The following ATP2B2 variants were observed in gnomAD, a reference collection of about 807,000 sequenced individuals.
ATP2B2 encodes the protein plasma membrane calcium-transporting ATPase 2.
A neutral mutation model predicts 120.0 loss-of-function variants in ATP2B2; 15 were observed. The observed-to-expected ratio is 0.12, with a 90% CI of 0.08 to 0.19. The LOEUF (loss-of-function observed/expected upper bound fraction) is 0.19. ATP2B2 is among the 10% of genes least tolerant of loss of function. ATP2B2 has a pLI of 1.00. For synonymous variants in ATP2B2, 694 were observed against 700.3 expected, an observed-to-expected ratio of 0.99 and a Z score of 0.14; for missense variants, 1,045 against 1,719.8, an observed-to-expected ratio of 0.61 and a Z score of 6.94.
At position 10,578,637 on chromosome 3, in the gene ATP2B2, C is replaced by T. The variant is rs527759489; in HGVS notation, c.-415+41280G>A. Among the ~76,000 whole-genome samples the T allele has an allele frequency of 4.6e-5, 7 of 152,110 alleles. No homozygotes were observed. In the South Asian group the frequency reaches 1.5e-3, roughly 32 times the overall value. On this transcript the variant is annotated intron_variant, in intron 2 of 21. Coordinates refer to the ATP2B2 transcript ENST00000646379. ...TTCATAGAGACTTAATTCACTATAG[C>T]TTAAGACTGGAAACAACCCAAATGC...
chr3:10,559,633 G>C (rs1219860503), intron 2 of ATP2B2, among the ~76,000 whole-genome samples: 4 of 152,170 alleles, frequency 2.6e-5, no homozygotes, highest in African/African-American at 9.7e-5. Context: ...CCCAGCCCAG[G>C]GTGCTGGAGT....
At chr3:10,374,195 C>T (rs989104889) in intron 11 of ATP2B2, among the ~76,000 whole-genome samples, 2 of 152,208 alleles carry the variant, frequency 1.3e-5, no homozygotes, top group Admixed American at 6.5e-5. Flanking sequence ...AGGACATCCC[C>T]GGGCTCAGTG....
chr3:10,491,777 C>T (rs975012043), intron 1 of ATP2B2, among the ~76,000 whole-genome samples: 1 of 151,858 alleles, frequency 6.6e-6, no homozygotes, highest in Middle Eastern at 3.4e-3. Context: ...TATGAAAGAA[C>T]AAACAAGAGA....
At chr3:10,586,679 A>G (rs559491238) in intron 2 of ATP2B2, among the ~76,000 whole-genome samples, 1 of 152,222 alleles carries the variant, frequency 6.6e-6, no homozygotes, top group Non-Finnish European at 1.5e-5. Flanking sequence ...AAGGAGGCAC[A>G]GCTTAGAAAC....
At position 10,630,278 on chromosome 3, in the gene ATP2B2, T is replaced by C. The variant is rs145920314; in HGVS notation, c.-459-10317A>G. Among the ~76,000 whole-genome samples, 348 of 152,348 alleles carry C rather than the reference T, an allele frequency of 2.3e-3. No homozygotes were observed. The Middle Eastern group carries it at 0.031, about 13-fold the overall frequency. On this transcript the variant is annotated intron_variant, in intron 1 of 21. Coordinates refer to the ATP2B2 transcript ENST00000646379. ...TTCATCACTTAAGTATTAAGCCCAG[T>C]ACCCATTAGTTACTTTTCCTGATGC...
intron 2 of ATP2B2, among the ~76,000 whole-genome samples, chr3:10,440,117 A>G (rs2063613481): frequency 6.7e-6 from 1 of 149,688 alleles, no homozygotes; most frequent in African/African-American, 2.5e-5. Flanking sequence ...AAAAAAAAAA[A>G]AAAAAAAAAA....
rs1164842783 is a variant in ATP2B2, at chr3:10,606,935, AGAGG to A, written c.-415+12978_-415+12981del. Among the ~76,000 whole-genome samples, 534 of 75,328 alleles carry A rather than the reference AGAGG, an allele frequency of 7.1e-3. 1 individual carries two copies. Among genetic ancestry groups the A allele is most frequent in the African/African-American group, 0.031 (380 of 12,282 alleles). The allele number at this position is 75,328 out of a possible 152,430, so 49.4% of individuals were successfully genotyped here. A position where few individuals can be genotyped will look rare whatever the true frequency, so the allele number is the denominator to read the frequency against. On this transcript the variant is annotated intron_variant, in intron 2 of 21. Coordinates refer to the ATP2B2 transcript ENST00000646379. ...CACAGAGAGAGAGAGAGAGAGAGAG[AGAGG>A]GAGAGGGAGAGGGGGAGGGGGGGAG...
intron 8 of ATP2B2, among the ~76,000 whole-genome samples, chr3:10,381,037 C>T (rs1333057985): frequency 7.2e-5 from 11 of 152,226 alleles, no homozygotes; most frequent in Admixed American, 1.3e-4. Flanking sequence ...GGAGCATCCT[C>T]GGAATAGCCC....
chr3:10,657,044 G>C (rs1044379838), intron 1 of ATP2B2, among the ~76,000 whole-genome samples: 2 of 152,180 alleles, frequency 1.3e-5, no homozygotes, highest in African/African-American at 2.4e-5. Flanking sequence ...GCCACTGAAA[G>C]GTTTTATTGC....
intron 1 of ATP2B2, among the ~76,000 whole-genome samples, chr3:10,466,178 T>C (rs1469870078): frequency 6.6e-6 from 1 of 152,208 alleles, no homozygotes; most frequent in Non-Finnish European, 1.5e-5. Flanking sequence ...GTCACAAAGC[T>C]TTTTAGGTTG....
At chr3:10,463,125 C>T (rs1162481027) in intron 1 of ATP2B2, among the ~76,000 whole-genome samples, 3 of 152,166 alleles carry the variant, frequency 2.0e-5, no homozygotes, top group Non-Finnish European at 4.4e-5. Flanking sequence ...TTCCTCTGCT[C>T]CAAATTCCAA....
chr3:10,542,908 T>C (rs2067470260), intron 2 of ATP2B2, among the ~76,000 whole-genome samples: 1 of 152,206 alleles, frequency 6.6e-6, no homozygotes, highest in African/African-American at 2.4e-5. Context: ...TTGGCCGTTA[T>C]TTCTTCAGGT....
intron 1 of ATP2B2, among the ~76,000 whole-genome samples, chr3:10,477,230 TGTG>T (rs1382934081): frequency 6.6e-6 from 1 of 151,482 alleles, no homozygotes; most frequent in Non-Finnish European, 1.5e-5. Flanking sequence ...TTGGTGCTTT[TGTG>T]TGTGTGTGTT....
intron 1 of ATP2B2, among the ~76,000 whole-genome samples, chr3:10,631,387 A>T (rs1157080892): frequency 6.6e-6 from 1 of 152,244 alleles, no homozygotes; most frequent in Admixed American, 6.5e-5. Context: ...TAGGATAAAC[A>T]TTATTAGCCC....
rs569881409 is a variant in ATP2B2 at position 10,373,613 on chromosome 3, T to C, written c.1417-1562A>G. Among the ~76,000 whole-genome samples, 3 of 152,350 alleles carry C rather than the reference T, an allele frequency of 2.0e-5. No homozygotes were observed. The South Asian group carries it at 6.2e-4, about 32-fold the overall frequency. On this transcript the variant is annotated intron_variant, in intron 11 of 22. Transcript: ENST00000360273. ...TTATAGTGATCACACATTGGATTGA[T>C]AATAAGTTGGATAATAGTGTTGGAT... is the stretch of plus-strand genomic sequence containing the variant.
At position 10,336,018 on chromosome 3, in the gene ATP2B2, T is replaced by TG. The variant is rs1319185277; in HGVS notation, c.3420+2157dup. On this transcript the variant is annotated intron_variant, in intron 22 of 22. Transcript: ENST00000360273. Reference sequence around the variant, plus strand: ...CGGTGGCTGGGACCCTTCATCCCCCTGGGCCTGATTGTGACCGGCTGCCCC... The same window carrying TG: ...CGGTGGCTGGGACCCTTCATCCCCCTGGGGCCTGATTGTGACCGGCTGCCCC... 331 of 1,320,722 alleles carry TG rather than the reference T, an allele frequency of 2.5e-4. 3 individuals are homozygous for TG. In the African/African-American group the frequency reaches 4.4e-3, roughly 17 times the overall value. 81.8% of individuals were successfully genotyped at this position (1,320,722 alleles called of 1,614,324 possible).
chr3:10,340,208 A>G lies in ATP2B2; in HGVS notation c.3237+34T>C, dbSNP rs1313503569. 1 of 1,602,510 alleles carries G rather than the reference A, an allele frequency of 6.2e-7. No individual in the cohort carries two copies. The highest frequency in any genetic ancestry group is 1.7e-5 in the Admixed American group (1 of 59,982). ...CCAGTGCTGTCTCCCTTGCCCTGCTAACAGGCACCTCCTGCGACCTACCAG... is the reference window on the plus strand; with the variant it reads ...CCAGTGCTGTCTCCCTTGCCCTGCTGACAGGCACCTCCTGCGACCTACCAG... On this transcript the variant is annotated intron_variant, in intron 21 of 22. Coordinates refer to ENST00000360273, the MANE Select transcript of ATP2B2 (RefSeq NM_001001331.4). The surrounding 1 kb of genome is among the most constrained non-coding windows in gnomAD (Gnocchi z 5.0).
chr3:10,476,267 C>A (rs1162733439), intron 1 of ATP2B2, among the ~76,000 whole-genome samples: 3 of 152,218 alleles, frequency 2.0e-5, no homozygotes, highest in Admixed American at 6.5e-5. Context: ...CATGAACCTA[C>A]CAACATTCTT....
intron 14 of ATP2B2, among the ~76,000 whole-genome samples, chr3:10,356,964 TGA>T (rs4040764): frequency 0.12 from 16,500 of 143,368 alleles, 1,226 homozygotes; most frequent in East Asian, 0.38. Flanking sequence ...TGTGTGTGTA[TGA>T]GAGAGAGAGA....
Sources: gnomAD v4.1 joint callset for allele counts (sites outside exome capture counted in the v4.1 genomes callset) on GRCh38, gnomAD v4.1.1 for gene constraint, Gnocchi (gnomAD v3.1) non-coding constraint, MANE v1.5 for transcripts, NCBI Gene and HGNC (gene_info 2026-07-23, HGNC 2026-07-21) for gene names.